The following RGS6 variants were observed in gnomAD, a reference collection of about 807,000 sequenced individuals.
RGS6 encodes the protein regulator of G-protein signaling 6.
A neutral mutation model predicts 78.5 loss-of-function variants in RGS6; 30 were observed. The ratio of observed to expected loss-of-function variants is 0.38; its 90% CI spans 0.29 to 0.52. The LOEUF (loss-of-function observed/expected upper bound fraction) is 0.52. Ranked by LOEUF, RGS6 falls within the 20% of genes least tolerant of loss-of-function variation. RGS6 has a pLI of 0.85. For synonymous variants in RGS6, 206 were observed against 206.0 expected (o/e 1.00, Z 0.00); for missense variants, 495 against 609.7 (o/e 0.81, Z 1.98).
chr14:72,552,173 A>G (rs1353823201), intron 17 of RGS6, among the ~76,000 whole-genome samples: 1 of 152,254 alleles, frequency 6.6e-6, no homozygotes, highest in Non-Finnish European at 1.5e-5. Context: ...CATGTATTAC[A>G]GAGATCAGCT....
At chr14:72,282,469 G>A (rs1285249060) in intron 2 of RGS6, among the ~76,000 whole-genome samples, 1 of 152,172 alleles carries the variant, frequency 6.6e-6, no homozygotes, top group African/African-American at 2.4e-5. Context: ...CACTAACAGA[G>A]GGGTTGGAAG....
chr14:72,595,814 C>A, the RGS6 span, among the ~76,000 whole-genome samples: 6 of 152,186 alleles, frequency 3.9e-5, no homozygotes, highest in South Asian at 2.1e-4. Context: ...TTTTCCACAC[C>A]ACCATCATAC....
At chr14:72,207,329 A>G (rs1400774279) in intron 2 of RGS6, among the ~76,000 whole-genome samples, 1 of 152,152 alleles carries the variant, frequency 6.6e-6, no homozygotes, top group Non-Finnish European at 1.5e-5. Flanking sequence ...TAATGACTTC[A>G]ATGTTATGGT....
At chr14:71,904,140 G>A in the RGS6 span, among the ~76,000 whole-genome samples, 7 of 152,270 alleles carry the variant, frequency 4.6e-5, no homozygotes, top group African/African-American at 9.6e-5. Context: ...GCTATCCAGC[G>A]TCTATTTCCT....
chr14:72,262,443 C>T (rs563825727), intron 2 of RGS6, among the ~76,000 whole-genome samples: 7 of 152,148 alleles, frequency 4.6e-5, no homozygotes, highest in Non-Finnish European at 8.8e-5. Context: ...AGCTGTCTGG[C>T]GTCTCTTCCT....
In RGS6 at chr14:72,458,254, A is replaced by C; in HGVS notation, c.236-17A>C. 6.3e-7 allele frequency: 1 copy of C among 1,590,576 alleles called. No individual in the cohort carries two copies. The highest frequency in any genetic ancestry group is 8.6e-7 in the Non-Finnish European group (1 of 1,159,950). ...CTGCTTTCTAATTCCTTCTCTCTCT[A>C]TGCACTGTTCTTACAGTTGAAGCAA... On this transcript the variant is annotated splice_polypyrimidine_tract_variant and intron_variant, in intron 4 of 17. Coordinates refer to ENST00000553525, the MANE Select transcript of RGS6 (RefSeq NM_001204424.2).
chr14:71,972,007 A>AT (rs551952987), intron 2 of RGS6, among the ~76,000 whole-genome samples: 1 of 142,914 alleles, frequency 7.0e-6, no homozygotes, highest in Middle Eastern at 3.7e-3. Context: ...AATTTTGGAC[A>AT]TTTTTTTCTT....
At chr14:72,084,306 A>G (rs908106848) in intron 2 of RGS6, among the ~76,000 whole-genome samples, 1 of 152,194 alleles carries the variant, frequency 6.6e-6, no homozygotes, top group African/African-American at 2.4e-5. Context: ...GGTGAGGCTC[A>G]GGTGGTAATG....
At chr14:72,480,229 C>G (rs1350059589) in intron 12 of RGS6, among the ~76,000 whole-genome samples, 1 of 152,126 alleles carries the variant, frequency 6.6e-6, no homozygotes, top group African/African-American at 2.4e-5. Flanking sequence ...GAGCTCACAT[C>G]CAATTTGTTA....
At chr14:72,488,251 G>A (rs929904432) in intron 12 of RGS6, among the ~76,000 whole-genome samples, 1 of 152,198 alleles carries the variant, frequency 6.6e-6, no homozygotes, top group African/African-American at 2.4e-5. Flanking sequence ...AGGACTTTCT[G>A]TGTTCCTTCT....
the RGS6 span, among the ~76,000 whole-genome samples, chr14:72,608,976 G>C: frequency 6.6e-6 from 1 of 152,184 alleles, no homozygotes; most frequent in African/African-American, 2.4e-5. Context: ...ACCCCCACAG[G>C]ATCTCTACAT....
intron 2 of RGS6, among the ~76,000 whole-genome samples, chr14:72,236,421 C>G (rs2051049646): frequency 6.6e-6 from 1 of 152,190 alleles, no homozygotes; most frequent in East Asian, 1.9e-4. Context: ...AATGTGCGCA[C>G]AGCAACATAA....
intron 3 of RGS6, among the ~76,000 whole-genome samples, chr14:72,408,743 A>T (rs1179859785): frequency 6.6e-6 from 1 of 152,220 alleles, no homozygotes; most frequent in Non-Finnish European, 1.5e-5. Context: ...TAAAGAACAG[A>T]AAAGGACATA....
chr14:72,138,833 C>CCAGATGGGACTGTCTA (rs959902027), intron 2 of RGS6, among the ~76,000 whole-genome samples: 3 of 152,180 alleles, frequency 2.0e-5, no homozygotes, highest in African/African-American at 7.2e-5. Context: ...CCCATCACCC[C>CCAGATGGGACTGTCTA]CAGATGGGAC....
At chr14:72,228,587 G>T (rs1208930732) in intron 2 of RGS6, among the ~76,000 whole-genome samples, 1 of 152,124 alleles carries the variant, frequency 6.6e-6, no homozygotes, top group Non-Finnish European at 1.5e-5. Flanking sequence ...CTAGGAAGCC[G>T]CTGCAACCAT....
At chr14:72,429,326 A>G (rs1597391459) in intron 3 of RGS6, among the ~76,000 whole-genome samples, 1 of 152,216 alleles carries the variant, frequency 6.6e-6, no homozygotes, top group East Asian at 1.9e-4. Context: ...TCTTAACTTC[A>G]TATGTGGCAG....
Position 72,202,354 on chromosome 14 carries a change from G to A in RGS6, c.85-149741G>A, listed in dbSNP as rs933688285. On this transcript the variant is annotated intron_variant, in intron 2 of 17. Coordinates refer to ENST00000553525, the MANE Select transcript of RGS6 (RefSeq NM_001204424.2). ...AGAGGAGTGGCCACAGAGAACAAGAGCATATATAGTGCATTTCAGAGAAGT... is the reference window on the plus strand; with the variant it reads ...AGAGGAGTGGCCACAGAGAACAAGAACATATATAGTGCATTTCAGAGAAGT... 3.3e-5 allele frequency among the ~76,000 whole-genome samples: 5 copies of A among 152,190 alleles called. No homozygotes were observed. In the East Asian group the frequency reaches 7.7e-4, roughly 24 times the overall value.
At chr14:72,607,127 T>C in the RGS6 span, among the ~76,000 whole-genome samples, 1 of 152,190 alleles carries the variant, frequency 6.6e-6, no homozygotes, top group Non-Finnish European at 1.5e-5. Flanking sequence ...ATTATAATAG[T>C]TAACTTTCTC....
chr14:72,223,409 C>T (rs996920104), intron 2 of RGS6, among the ~76,000 whole-genome samples: 6 of 152,102 alleles, frequency 3.9e-5, no homozygotes, highest in Non-Finnish European at 5.9e-5. Flanking sequence ...TCTAATAGGG[C>T]GTATTAAAAT....
Sources: gnomAD v4.1 joint callset for allele counts (sites outside exome capture counted in the v4.1 genomes callset) on GRCh38, gnomAD v4.1.1 for gene constraint, MANE v1.5 for transcripts, NCBI Gene and HGNC (gene_info 2026-07-23, HGNC 2026-07-21) for gene names.